ANKRD37: variants seen among roughly 807,000 people sequenced by gnomAD.
ANKRD37 encodes the protein ankyrin repeat domain-containing protein 37.
In ANKRD37, 17 loss-of-function variants were observed where a neutral mutation model predicts 19.7. The ratio of observed to expected loss-of-function variants is 0.86; its 90% CI spans 0.59 to 1.29. ANKRD37 has a LOEUF of 1.29. Ranked by LOEUF, ANKRD37 falls within the 50% of genes most tolerant of loss-of-function variation. The probability of loss-of-function intolerance (pLI) is 0.00; values close to 1 mark genes in which losing one functional copy is unlikely to be tolerated. For missense variants in ANKRD37, 207 were observed against 190.4 expected, an observed-to-expected ratio of 1.09 and a Z score of -0.51; for synonymous variants, 79 against 74.5, an observed-to-expected ratio of 1.06 and a Z score of -0.31.
intron 3 of ANKRD37, 82 bp from the exon 4 acceptor site, chr4:185,399,487 GA>G: frequency 6.8e-7 from 1 of 1,462,686 alleles, no homozygotes; most frequent in Middle Eastern, 1.8e-4. Context: ...ACATTTGTAT[GA>G]GCCCAAAATT....
At chr4:185,399,171 G>C (rs566178918) in intron 3 of ANKRD37, 143 bp downstream of exon 3, 1 of 762,826 alleles carries the variant, frequency 1.3e-6, no homozygotes, top group African/African-American at 1.7e-5. Flanking sequence ...GTTAACTTAG[G>C]TTGTTGGTGC....
At chr4:185,397,609 A>AT (rs1352595358) in intron 2 of ANKRD37, 8 of 311,980 alleles carry the variant, frequency 2.6e-5, no homozygotes, top group Non-Finnish European at 4.8e-5. Flanking sequence ...CTGATTAGAT[A>AT]TTTTACACTT....
chr4:185,400,399 A>G (rs2095511888), downstream of ANKRD37: 1 of 1,612,528 alleles, frequency 6.2e-7, no homozygotes, highest in Non-Finnish European at 8.5e-7. Flanking sequence ...ATTTTAAATC[A>G]TATTTGGTCG....
At chr4:185,399,842 CCATTT>C (rs2095511083) in intron 4 of ANKRD37, 69 bp downstream of exon 4, 8 of 1,589,566 alleles carry the variant, frequency 5.0e-6, no homozygotes, top group African/African-American at 2.7e-5. Flanking sequence ...ATTTATTATT[CCATTT>C]AATACTGACA....
chr4:185,400,415 G>A (rs765178828), downstream of ANKRD37: 5 of 1,613,288 alleles, frequency 3.1e-6, no homozygotes, highest in Non-Finnish European at 4.2e-6. Flanking sequence ...GGTCGCTGAG[G>A]AAGACATAAG....
intron 2 of ANKRD37, 141 bp from the exon 3 acceptor site, chr4:185,398,796 A>G: frequency 4.1e-6 from 1 of 241,214 alleles, no homozygotes; most frequent in Non-Finnish European, 7.6e-6. Context: ...TTCTCTGCCA[A>G]AAAAAAAAAA....
At position 185,396,868 on chromosome 4, in the gene ANKRD37, G is replaced by C. The variant is rs771379699; in HGVS notation, c.-56G>C. 3.3e-5 allele frequency: 52 copies of C among 1,590,264 alleles called. No homozygotes were observed. The highest frequency in any genetic ancestry group is 4.2e-5 in the Non-Finnish European group (49 of 1,162,034). On this transcript the variant is annotated 5_prime_UTR_variant, in exon 1 of 5. Transcript: ENST00000335174. ...GCATTCTTACCTGTCGGGGTGCGGC[G>C]AGTGTCTCACCTCTCTGCACTTCCA... is the stretch of plus-strand genomic sequence containing the variant.
intron 2 of ANKRD37, among the ~76,000 whole-genome samples, chr4:185,397,877 G>C (rs148251969): frequency 1.8e-4 from 28 of 152,310 alleles, no homozygotes; most frequent in African/African-American, 6.5e-4. Context: ...GAATATTAAA[G>C]CATGGTGAAT....
At chr4:185,397,329 A>G (rs376391208) in intron 2 of ANKRD37, 27 bp downstream of exon 2, 6 of 1,608,548 alleles carry the variant, frequency 3.7e-6, no homozygotes, top group Admixed American at 3.4e-5. Flanking sequence ...TGCTGTGTAC[A>G]GCCGTCCCCT....
At position 185,399,555 on chromosome 4, in the gene ANKRD37, T is replaced by C; in HGVS notation, c.273-15T>C. 6.2e-7 allele frequency: 1 copy of C among 1,613,840 alleles called. No individual in the cohort carries two copies. The highest frequency in any genetic ancestry group is 8.5e-7 in the Non-Finnish European group (1 of 1,179,770). On this transcript the variant is annotated splice_polypyrimidine_tract_variant and intron_variant, in intron 3 of 4. Coordinates refer to ENST00000335174, the MANE Select transcript of ANKRD37 (RefSeq NM_181726.4). Reference sequence around the variant, plus strand: ...TTCAATGTTTCATTTCACTCCGTTTTTATCCTGTTTTCAGTTTATGTAATA... The same window carrying C: ...TTCAATGTTTCATTTCACTCCGTTTCTATCCTGTTTTCAGTTTATGTAATA...
chr4:185,397,338 C>G (rs370509577), intron 2 of ANKRD37, 36 bp downstream of exon 2: 95 of 1,601,618 alleles, frequency 5.9e-5, no homozygotes, highest in Non-Finnish European at 7.9e-5. Context: ...CAGCCGTCCC[C>G]TCCAACCCAG....
Position 185,397,248 on chromosome 4 carries a change from C to T in ANKRD37, c.126C>T (p.Gly42=). 6.2e-7 allele frequency: 1 copy of T among 1,614,148 alleles called. No homozygotes were observed. The highest frequency in any genetic ancestry group is 8.5e-7 in the Non-Finnish European group (1 of 1,180,036). ...QSPVHLAAGS[G]LACFLLWQLQ... ...CTGTCCACTTAGCCGCAGGAAGCGG[C>T]CTTGCTTGCTTTCTTCTCTGGCAGC... The change falls in exon 2 of 5, where the codon GGC becomes GGT. Residue 42 remains glycine, a synonymous_variant. Transcript: ENST00000335174.
chr4:185,397,512 C>A, intron 2 of ANKRD37: 1 of 588,864 alleles, frequency 1.7e-6, no homozygotes, highest in Non-Finnish European at 2.7e-6. Context: ...TTTTAAGTAG[C>A]CACATTAATA....
At position 185,398,921 on chromosome 4, in the gene ANKRD37, A is replaced by AC. The variant is rs778800520; in HGVS notation, c.181-14dup. ...GTGTTTTTGGGAGACTCTAAAATGC[A>AC]CCATCTTACCTTAAGGATGTTTTAG... On this transcript the variant is annotated splice_polypyrimidine_tract_variant and intron_variant, in intron 2 of 4. Transcript: ENST00000335174. 5 of 1,608,726 alleles carry AC rather than the reference A, an allele frequency of 3.1e-6. No individual in the cohort carries two copies. In the African/African-American group the frequency reaches 6.7e-5, roughly 22 times the overall value.
chr4:185,398,703 A>G (rs2095509038), intron 2 of ANKRD37, among the ~76,000 whole-genome samples: 1 of 152,008 alleles, frequency 6.6e-6, no homozygotes, highest in Admixed American at 6.6e-5. Flanking sequence ...AAAGTGACTA[A>G]GACTTCTTAT....
Position 185,398,770 on chromosome 4 carries a change from C to A in ANKRD37, c.181-167C>A, listed in dbSNP as rs182237842. Among the ~76,000 whole-genome samples the A allele has an allele frequency of 6.3e-4, 88 of 139,236 alleles. 1 individual carries two copies. The highest frequency in any genetic ancestry group is 8.0e-4 in the Non-Finnish European group (52 of 65,120). The allele number at this position is 139,236 out of a possible 152,430, so 91.3% of individuals were successfully genotyped here. A position where few individuals can be genotyped will look rare whatever the true frequency, so the allele number is the denominator to read the frequency against. Reference sequence around the variant, plus strand: ...AATGAATATTAACAAAATAAACCCACGAAAAGTTTTTGGTGTTCTCTGCCA... The same window carrying A: ...AATGAATATTAACAAAATAAACCCAAGAAAAGTTTTTGGTGTTCTCTGCCA... On this transcript the variant is annotated intron_variant, in intron 2 of 4. Coordinates refer to ENST00000335174, the MANE Select transcript of ANKRD37 (RefSeq NM_181726.4).
intron 2 of ANKRD37, among the ~76,000 whole-genome samples, chr4:185,398,104 C>T (rs969660391): frequency 5.9e-5 from 9 of 151,922 alleles, no homozygotes; most frequent in African/African-American, 2.2e-4. Context: ...ATTACAGGCA[C>T]GCGCCACCGT....
rs1160338463 is a variant in ANKRD37 at position 185,399,405 on chromosome 4, T to C, written c.273-165T>C. Reference sequence around the variant, plus strand: ...CCCGCTCTATGCTGGATTCTGTTAGTTGCTGAGGATACAATAGTGACCAAA... The same window carrying C: ...CCCGCTCTATGCTGGATTCTGTTAGCTGCTGAGGATACAATAGTGACCAAA... On this transcript the variant is annotated intron_variant, in intron 3 of 4. Coordinates refer to ENST00000335174, the MANE Select transcript of ANKRD37 (RefSeq NM_181726.4). 7.5e-6 allele frequency: 5 copies of C among 668,036 alleles called. No individual in the cohort carries two copies. The East Asian group carries it at 1.1e-4, about 15-fold the overall frequency. The allele number at this position is 668,036 out of a possible 1,614,324, so 41.4% of individuals were successfully genotyped here.
chr4:185,397,345 C>G, intron 2 of ANKRD37, 43 bp downstream of exon 2: 3 of 1,595,798 alleles, frequency 1.9e-6, no homozygotes, highest in Non-Finnish European at 1.7e-6. Flanking sequence ...CCCCTCCAAC[C>G]CAGACACACA....
Sources: allele counts gnomAD v4.1 joint callset (sites outside exome capture counted in the v4.1 genomes callset), GRCh38; gene constraint gnomAD v4.1.1; transcripts MANE v1.5; gene names NCBI Gene and HGNC (gene_info 2026-07-23, HGNC 2026-07-21).